Variants in ADGRE3 observed in about 807,000 individuals in gnomAD.
ADGRE3 encodes EGF-like module receptor 3.
ADGRE3 carries 88 observed loss-of-function variants against 80.1 expected under a neutral mutation model. The ratio of observed to expected loss-of-function variants is 1.10; its 90% confidence interval spans 0.93 to 1.31. ADGRE3 has a LOEUF of 1.31. Ranked by LOEUF, ADGRE3 falls within the 40% of genes most tolerant of loss-of-function variation. The probability of loss-of-function intolerance (pLI) is 0.00; values close to 1 mark genes in which losing one functional copy is unlikely to be tolerated. For synonymous variants in ADGRE3, 281 were observed against 294.8 expected, an observed-to-expected ratio of 0.95 and a Z score of 0.48; for missense variants, 715 against 776.5, an observed-to-expected ratio of 0.92 and a Z score of 0.94.
the ADGRE3 span, among the ~76,000 whole-genome samples, chr19:14,612,019 A>G: frequency 6.6e-6 from 1 of 151,976 alleles, no homozygotes; most frequent in Non-Finnish European, 1.5e-5. Flanking sequence ...AATAAATAAA[A>G]ATAAAAATTC....
At chr19:14,604,520 T>C in the ADGRE3 span, among the ~76,000 whole-genome samples, 1 of 152,136 alleles carries the variant, frequency 6.6e-6, no homozygotes, top group African/African-American at 2.4e-5. Flanking sequence ...CCCAGCACTT[T>C]GCGAGGCCGA....
At chr19:14,600,364 T>C in the ADGRE3 span, among the ~76,000 whole-genome samples, 1 of 152,228 alleles carries the variant, frequency 6.6e-6, no homozygotes, top group Non-Finnish European at 1.5e-5. Context: ...CATGCTTTGT[T>C]TTTGAGTTCA....
intron 4 of ADGRE3, among the ~76,000 whole-genome samples, chr19:14,658,991 C>A (rs1224962686): frequency 6.6e-6 from 1 of 150,816 alleles, no homozygotes; most frequent in Non-Finnish European, 1.5e-5. Flanking sequence ...CCTCGGCCTC[C>A]CAAAGGGCTG....
rs1970566647 is a variant in ADGRE3, at chr19:14,620,562, ATATATATTTTTTTTTT to A, written c.1921-1107_1921-1092del. Among the ~76,000 whole-genome samples the A allele has an allele frequency of 1.8e-4, 4 of 22,076 alleles. 1 individual carries two copies. Among genetic ancestry groups the A allele is most frequent in the Admixed American group, 8.1e-4 (1 of 1,242 alleles). The allele number at this position is 22,076 out of a possible 152,430, so 14.5% of individuals were successfully genotyped here. On this transcript the variant is annotated intron_variant, in intron 15 of 15. Coordinates refer to ENST00000253673, the MANE Select transcript of ADGRE3 (RefSeq NM_032571.5). Reference sequence around the variant, plus strand: ...TTATATATATATTATATATATATATATATATATTTTTTTTTTTTTTTTTTTTTTTTTTTTTGAGACA... The same window carrying A: ...TTATATATATATTATATATATATATATTTTTTTTTTTTTTTTTTTGAGACA...
chr19:14,613,908 A>G, the ADGRE3 span, among the ~76,000 whole-genome samples: 5 of 151,378 alleles, frequency 3.3e-5, no homozygotes, highest in African/African-American at 7.3e-5. Context: ...CTGGTCTCGA[A>G]CTCCTGACCT....
intron 6 of ADGRE3, among the ~76,000 whole-genome samples, chr19:14,651,663 A>G (rs1882915735): frequency 6.6e-6 from 1 of 152,224 alleles, no homozygotes; most frequent in Admixed American, 6.5e-5. Flanking sequence ...AGATTTAGCT[A>G]CAAGAAAGTT....
intron 6 of ADGRE3, 108 bp from the exon 7 acceptor site, chr19:14,651,312 G>T: frequency 8.2e-7 from 1 of 1,226,312 alleles, no homozygotes; most frequent in Non-Finnish European, 1.2e-6. Flanking sequence ...CTACTCAAGA[G>T]GCTGAGGCAG....
intron 1 of ADGRE3, among the ~76,000 whole-genome samples, chr19:14,672,117 G>A (rs1972274458): frequency 6.6e-6 from 1 of 152,118 alleles, no homozygotes; most frequent in Non-Finnish European, 1.5e-5. Flanking sequence ...AGCTCACAGG[G>A]CCAACTGATA....
rs1235034206 is a variant in ADGRE3 at position 14,653,259 on chromosome 19, G to C, written c.577+1723C>G. ...TCCAAAAGTGCTAGGATTACAGGAT[G>C]AGCCACCTCATCCTGCCCACAATGT... On this transcript the variant is annotated intron_variant, in intron 6 of 15. Coordinates refer to ENST00000253673, the MANE Select transcript of ADGRE3 (RefSeq NM_032571.5). Among the ~76,000 whole-genome samples the C allele has an allele frequency of 2.0e-5, 3 of 152,002 alleles. No individual in the cohort carries two copies. In the East Asian group the frequency reaches 5.8e-4, roughly 29 times the overall value.
chr19:14,610,043 C>T, the ADGRE3 span: 1 of 1,593,074 alleles, frequency 6.3e-7, no homozygotes, highest in Non-Finnish European at 8.6e-7. Context: ...TGTCCCTCTG[C>T]CCACTTTTTC....
In ADGRE3 at chr19:14,630,097, A is replaced by G; in HGVS notation, c.1754T>C (p.Ile585Thr). ...GAAGAAGCCTTGGAGGCTGTTGATG[A>G]TGGTGAAGAGGTAGGCCATGACCTG... ...AAQVMAYLFT[I>T]INSLQGFFIF... is the part of the protein sequence containing the mutation. Residue 585 changes from isoleucine to threonine, a missense_variant, in exon 14 of 16, where the codon ATC becomes ACC. Transcript: ENST00000253673. 2 of 1,612,472 alleles carry G rather than the reference A, an allele frequency of 1.2e-6. No homozygotes were observed. Among genetic ancestry groups the G allele is most frequent in the Non-Finnish European group, 1.7e-6 (2 of 1,178,866 alleles).
chr19:14,668,756 C>T, intron 2 of ADGRE3, 46 bp downstream of exon 2: 2 of 1,574,642 alleles, frequency 1.3e-6, no homozygotes, highest in South Asian at 2.2e-5. Flanking sequence ...GGCTCCAGGT[C>T]CAGCCCTTGG....
At position 14,658,511 on chromosome 19, in the gene ADGRE3, A is replaced by G. The variant is rs1217966384; in HGVS notation, c.393+2T>C. The G allele has an allele frequency of 6.4e-7, 1 of 1,560,220 alleles. No individual in the cohort carries two copies. Among genetic ancestry groups the G allele is most frequent in the Non-Finnish European group, 8.7e-7 (1 of 1,152,786 alleles). ...AGGGTCTGGGGATCAGCCTCCACTC[A>G]CCTCTTTCCTGCCCTCGGTTGTCTT... On this transcript the variant is annotated splice_donor_variant, in intron 5 of 15. Coordinates refer to ENST00000253673, the MANE Select transcript of ADGRE3 (RefSeq NM_032571.5). LOFTEE classifies it high-confidence loss of function.
intron 8 of ADGRE3, among the ~76,000 whole-genome samples, chr19:14,646,686 TCCCTCCC>T (rs1568488047): frequency 6.5e-4 from 37 of 56,950 alleles, no homozygotes; most frequent in Admixed American, 1.3e-3. Context: ...CCTCCCTCCC[TCCCTCCC>T]TCCTTCCTTC....
At chr19:14,652,854 ACT>A (rs1313328519) in intron 6 of ADGRE3, among the ~76,000 whole-genome samples, 3 of 150,662 alleles carry the variant, frequency 2.0e-5, no homozygotes, top group Non-Finnish European at 4.4e-5. Flanking sequence ...TCTAATATTG[ACT>A]CTCAGTTTTT....
At chr19:14,629,861 T>C (rs1304869123) in intron 14 of ADGRE3, among the ~76,000 whole-genome samples, 178 bp downstream of exon 14, 1 of 152,194 alleles carries the variant, frequency 6.6e-6, no homozygotes, top group Non-Finnish European at 1.5e-5. Context: ...AATGTGTTAA[T>C]AAATGATGTA....
chr19:14,654,388 A>T (rs1452694807), intron 6 of ADGRE3, among the ~76,000 whole-genome samples: 1 of 151,482 alleles, frequency 6.6e-6, no homozygotes, highest in African/African-American at 2.4e-5. Context: ...TCAGCCTCCC[A>T]AGTAGCTGAG....
At position 14,636,164 on chromosome 19, in the gene ADGRE3, T is replaced by TCCTTCCTTTCC. The variant is rs1381150522; in HGVS notation, c.1484+1940_1484+1941insGGAAAGGAAGG. Among the ~76,000 whole-genome samples the TCCTTCCTTTCC allele has an allele frequency of 6.3e-4, 45 of 71,300 alleles. 2 individuals are homozygous for TCCTTCCTTTCC. The highest frequency in any genetic ancestry group is 2.3e-3 in the African/African-American group (43 of 18,914). 46.8% of individuals were successfully genotyped at this position (71,300 alleles called of 152,430 possible). On this transcript the variant is annotated intron_variant, in intron 11 of 15. Transcript: ENST00000253673. ...TTTCTTTCTTTCTTCCTTTCCTCCT[T>TCCTTCCTTTCC]TCCTTTCCTTTCCTTCCTCTTTCTT...
chr19:14,620,522 A>ATG (rs1970535376), intron 15 of ADGRE3, among the ~76,000 whole-genome samples: 1 of 43,400 alleles, frequency 2.3e-5, no homozygotes, highest in African/African-American at 8.3e-5. Context: ...ATGACTATAT[A>ATG]TGAATATATA....
Sources: allele counts gnomAD v4.1 joint callset (sites outside exome capture counted in the v4.1 genomes callset), GRCh38; gene constraint gnomAD v4.1.1; transcripts MANE v1.5; gene names NCBI Gene and HGNC (gene_info 2026-07-23, HGNC 2026-07-21).